ARHGAP21: variants seen among roughly 807,000 people sequenced by gnomAD.
The protein encoded by ARHGAP21 is rho GTPase-activating protein 21.
A neutral mutation model predicts 164.6 loss-of-function variants in ARHGAP21; 38 were observed. The ratio of observed to expected loss-of-function variants is 0.23; its 90% CI spans 0.18 to 0.30. The LOEUF is 0.30. ARHGAP21 is among the 10% of genes least tolerant of loss of function. The pLI is 1.00. For synonymous variants in ARHGAP21, 766 were observed against 857.9 expected (o/e 0.89, Z 1.87); for missense variants, 1,822 against 2,370.7 (o/e 0.77, Z 4.81).
At chr10:24,708,532 AAC>A (rs1844460269) in intron 2 of ARHGAP21, among the ~76,000 whole-genome samples, 1 of 152,164 alleles carries the variant, frequency 6.6e-6, no homozygotes, top group Admixed American at 6.5e-5. Flanking sequence ...TCACCCAAAT[AAC>A]ACACACTGTA....
At chr10:24,670,528 G>T in intron 2 of ARHGAP21, 131 bp from the exon 3 acceptor site, 1 of 476,868 alleles carries the variant, frequency 2.1e-6, no homozygotes, top group Non-Finnish European at 3.4e-6. Flanking sequence ...ACTACACAAA[G>T]CATGCAATTA....
At chr10:24,591,845 A>G (rs2076345904) in intron 22 of ARHGAP21, 42 bp downstream of exon 22, 2 of 1,593,376 alleles carry the variant, frequency 1.3e-6, no homozygotes, top group African/African-American at 2.7e-5. Flanking sequence ...ATTTTCTTGC[A>G]GAGATGAAGC....
intron 8 of ARHGAP21, among the ~76,000 whole-genome samples, chr10:24,622,433 CATATATATATATATATATAT>C (rs10530408): frequency 0.13 from 11,432 of 89,688 alleles, 922 homozygotes; most frequent in Middle Eastern, 0.18. Flanking sequence ...ACTTAAAAAA[CATATATATATATATATATAT>C]ATATATATAT....
intron 2 of ARHGAP21, among the ~76,000 whole-genome samples, chr10:24,699,379 C>A (rs1593329054): frequency 1.3e-5 from 2 of 152,078 alleles, no homozygotes; most frequent in Admixed American, 1.3e-4. Context: ...GGCTGGCGTG[C>A]AATGGTGCGA....
Position 24,607,101 on chromosome 10 carries a change from C to G in ARHGAP21, c.2684+398G>C, listed in dbSNP as rs1024046874. 2.0e-4 allele frequency among the ~76,000 whole-genome samples: 30 copies of G among 152,246 alleles called. 1 individual carries two copies. Among genetic ancestry groups the G allele is most frequent in the Admixed American group, 9.2e-4 (14 of 15,296 alleles). On this transcript the variant is annotated intron_variant, in intron 11 of 25. Transcript: ENST00000396432. ...GCCAGGACTATATGCATTTAAGGAT[C>G]TCTAAGATCAGTGTCTATACCATGT...
intron 2 of ARHGAP21, among the ~76,000 whole-genome samples, chr10:24,713,638 CT>C (rs76742610): frequency 4.6e-3 from 622 of 135,696 alleles, no homozygotes; most frequent in Middle Eastern, 7.6e-3. Flanking sequence ...TTCTTTTTTT[CT>C]TTTTTTTTTT....
Position 24,620,977 on chromosome 10 carries a change from A to G in ARHGAP21, c.918T>C (p.Ser306=), listed in dbSNP as rs754772124. The change falls in exon 9 of 26, where the codon AGT becomes AGC. Residue 306 remains serine (S), a synonymous_variant. Coordinates refer to ENST00000396432, the MANE Select transcript of ARHGAP21 (RefSeq NM_020824.4). ...ACACTGTTTTTAAAGAGGTCTGCTC[A>G]CTCACGCCATACCTCACTTCTTCAG... ...HRTEEVRYGV[S]EQTSLKTVSR... The G allele has an allele frequency of 6.2e-7, 1 of 1,613,926 alleles. No individual in the cohort carries two copies. The highest frequency in any genetic ancestry group is 8.5e-7 in the Non-Finnish European group (1 of 1,179,866).
At chr10:24,656,181 G>A (rs1421445328) in intron 4 of ARHGAP21, among the ~76,000 whole-genome samples, 18 of 129,998 alleles carry the variant, frequency 1.4e-4, no homozygotes, top group East Asian at 4.9e-4. Context: ...TCAGCCCCCC[G>A]CCCGGCCAGC....
chr10:24,628,503 G>GA (rs778111170), intron 7 of ARHGAP21, among the ~76,000 whole-genome samples: 2 of 151,640 alleles, frequency 1.3e-5, no homozygotes, highest in African/African-American at 2.4e-5. Context: ...TACAAATGAA[G>GA]AACATTACTA....
intron 5 of ARHGAP21, among the ~76,000 whole-genome samples, chr10:24,634,352 G>T (rs527412263): frequency 6.6e-6 from 1 of 152,020 alleles, no homozygotes; most frequent in African/African-American, 2.4e-5. Flanking sequence ...TATTTAAAAG[G>T]CAGTGAAATA....
chr10:24,629,740 T>C (rs535310793), intron 7 of ARHGAP21: 11 of 503,632 alleles, frequency 2.2e-5, no homozygotes, highest in African/African-American at 1.2e-4. Context: ...ACAAACTCTT[T>C]AGGAATCTCA....
At chr10:24,653,216 T>C (rs1838384440) in intron 4 of ARHGAP21, among the ~76,000 whole-genome samples, 1 of 152,114 alleles carries the variant, frequency 6.6e-6, no homozygotes, top group African/African-American at 2.4e-5. Flanking sequence ...CCTGGTACCC[T>C]TTCCCAGTCA....
chr10:24,642,501 C>T (rs368241204), intron 4 of ARHGAP21, among the ~76,000 whole-genome samples: 1 of 130,178 alleles, frequency 7.7e-6, no homozygotes, highest in Non-Finnish European at 1.6e-5. Flanking sequence ...GGCGACAGAG[C>T]GAGACTCCGT....
At chr10:24,612,225 GT>G (rs1455459500) in intron 9 of ARHGAP21, among the ~76,000 whole-genome samples, 1 of 152,118 alleles carries the variant, frequency 6.6e-6, no homozygotes, top group Non-Finnish European at 1.5e-5. Context: ...CTACGAAGTA[GT>G]ATTCCTAACC....
chr10:24,671,450 A>G (rs554052475), intron 2 of ARHGAP21, among the ~76,000 whole-genome samples: 87 of 152,166 alleles, frequency 5.7e-4, no homozygotes, highest in Non-Finnish European at 1.1e-3. Context: ...AGAAAACAGA[A>G]GCAATAAAAT....
rs1437091684 is a variant in ARHGAP21, at chr10:24,675,917, G to A, written c.64-5520C>T. On this transcript the variant is annotated intron_variant, in intron 2 of 25. Transcript: ENST00000396432. ...AATCACAGCACTTTGGGAGGCTGAG[G>A]CAGGCAGATCACCTGAGGTCAGGAG... Among the ~76,000 whole-genome samples the A allele has an allele frequency of 1.4e-4, 21 of 152,186 alleles. 1 individual carries two copies. Among genetic ancestry groups the A allele is most frequent in the Non-Finnish European group, 2.1e-4 (14 of 68,030 alleles).
At position 24,692,249 on chromosome 10, in the gene ARHGAP21, C is replaced by T. The variant is rs141562694; in HGVS notation, c.64-21852G>A. ...TGGAGATACTTAGCAGTTAAACAAA[C>T]GAATCTAAGCTCAGGAAAGTGATCT... On this transcript the variant is annotated intron_variant, in intron 2 of 25. Coordinates refer to ENST00000396432, the MANE Select transcript of ARHGAP21 (RefSeq NM_020824.4). Among the ~76,000 whole-genome samples, 906 of 152,214 alleles carry T rather than the reference C, an allele frequency of 6.0e-3. 8 individuals are homozygous for T. The highest frequency in any genetic ancestry group is 0.02 in the African/African-American group (849 of 41,538).
At position 24,677,383 on chromosome 10, in the gene ARHGAP21, T is replaced by C. The variant is rs144551526; in HGVS notation, c.64-6986A>G. Among the ~76,000 whole-genome samples, 122 of 152,286 alleles carry C rather than the reference T, an allele frequency of 8.0e-4. 2 individuals are homozygous for C. In the East Asian group the frequency reaches 0.016, roughly 20 times the overall value. On this transcript the variant is annotated intron_variant, in intron 2 of 25. Coordinates refer to ENST00000396432, the MANE Select transcript of ARHGAP21 (RefSeq NM_020824.4). ...ATGCATCAAAGCAAATAATGGAGCA[T>C]TGGAAAAAACTGGGCTAGCAATCAA...
rs1361757942 is a variant in ARHGAP21, at chr10:24,628,998, T to A, written c.495+998A>T. On this transcript the variant is annotated intron_variant, in intron 7 of 25. Coordinates refer to ENST00000396432, the MANE Select transcript of ARHGAP21 (RefSeq NM_020824.4). Reference sequence around the variant, plus strand: ...TATATATATATTTTTTTTTTTTTTTTTTTTTTTTTTTTTTTGAGATGAAGT... The same window carrying A: ...TATATATATATTTTTTTTTTTTTTTATTTTTTTTTTTTTTTGAGATGAAGT... The A allele has an allele frequency of 2.3e-3, 157 of 69,750 alleles. 3 individuals are homozygous for A. The highest frequency in any genetic ancestry group is 0.016 in the South Asian group (27 of 1,710). The allele number at this position is 69,750 out of a possible 1,614,324, so 4.3% of individuals were successfully genotyped here. A position where few individuals can be genotyped will look rare whatever the true frequency, so the allele number is the denominator to read the frequency against.
Sources: allele counts gnomAD v4.1 joint callset (sites outside exome capture counted in the v4.1 genomes callset), GRCh38; gene constraint gnomAD v4.1.1; transcripts MANE v1.5; gene names NCBI Gene and HGNC (gene_info 2026-07-23, HGNC 2026-07-21).